The following SLC17A7 variants were observed in gnomAD, a reference collection of about 807,000 sequenced individuals.
The protein encoded by SLC17A7 is vesicular glutamate transporter 1.
SLC17A7 carries 15 observed loss-of-function variants against 59.1 expected under a neutral mutation model. The ratio of observed to expected loss-of-function variants is 0.25; its 90% CI spans 0.17 to 0.39. SLC17A7 has a LOEUF of 0.39. Ranked by LOEUF, SLC17A7 falls within the 10% of genes least tolerant of loss-of-function variation. The pLI is 1.00. For synonymous variants in SLC17A7, 353 were observed against 308.9 expected, an observed-to-expected ratio of 1.14 and a Z score of -1.50; for missense variants, 499 against 765.1, an observed-to-expected ratio of 0.65 and a Z score of 4.10.
Position 49,436,957 on chromosome 19 carries a change from C to G in SLC17A7, c.63-156G>C, listed in dbSNP as rs1420422873. The G allele has an allele frequency of 9.0e-7, 1 of 1,111,354 alleles. No individual in the cohort carries two copies. Among genetic ancestry groups the G allele is most frequent in the Non-Finnish European group, 1.2e-6 (1 of 804,022 alleles). 68.8% of individuals were successfully genotyped at this position (1,111,354 alleles called of 1,614,324 possible). A position where few individuals can be genotyped will look rare whatever the true frequency, so the allele number is the denominator to read the frequency against. On this transcript the variant is annotated intron_variant, in intron 1 of 11. Coordinates refer to ENST00000221485, the MANE Select transcript of SLC17A7 (RefSeq NM_020309.4). This position sits in a 1 kb window ranked among gnomAD's most constrained non-coding sequence, Gnocchi z 4.1. ...GAGTCCAGGTCCCTGGCTCCCTTCG[C>G]CCCCCTGATCCAGAAATCCTCCATC...
Position 49,434,890 on chromosome 19 carries a change from G to A in SLC17A7, c.435-8C>T, listed in dbSNP as rs190387071. 19 of 1,607,970 alleles carry A rather than the reference G, an allele frequency of 1.2e-5. No homozygotes were observed. The highest frequency in any genetic ancestry group is 1.7e-5 in the Admixed American group (1 of 59,366). ...ATAGCAAAGCCGAAAACTCTGATGG[G>A]AAGGGTCAGAGAAAAGAATCCAAGC... On this transcript the variant is annotated splice_polypyrimidine_tract_variant and splice_region_variant and intron_variant, in intron 3 of 11. Coordinates refer to ENST00000221485, the MANE Select transcript of SLC17A7 (RefSeq NM_020309.4).
rs368446675 is a variant in SLC17A7 at position 49,432,563 on chromosome 19, C to T, written c.1106G>A (p.Arg369His). Reference protein sequence around the residue: ...GQIADFLRSRRIMSTTNVRKL... With the variant: ...GQIADFLRSRHIMSTTNVRKL... ...GCGCACGTTGGTGGTGGACATGATG[C>T]GGCGGCTCCGCAGGAAGTCCGCGAT... The change falls in exon 9 of 12, where the codon CGC (arginine) becomes CAC (histidine). Residue 369 changes from arginine (R) to histidine (H), a missense_variant. Physicochemically the swap from Arg to His is conservative, Grantham distance 29. Transcript: ENST00000221485. The T allele has an allele frequency of 1.9e-6, 3 of 1,610,326 alleles. No individual in the cohort carries two copies. Among genetic ancestry groups the T allele is most frequent in the East Asian group, 2.2e-5 (1 of 44,792 alleles).
intron 1 of SLC17A7, chr19:49,438,079 G>T (rs979833979): frequency 1.3e-5 from 2 of 150,034 alleles, no homozygotes; most frequent in African/African-American, 2.5e-5. Context: ...TAGAGAGGGG[G>T]ACAGAGACCC....
chr19:49,431,010 C>A lies in SLC17A7; in HGVS notation c.1389+5G>T, dbSNP rs746545092. 6.2e-7 allele frequency: 1 copy of A among 1,603,790 alleles called. No homozygotes were observed. Among genetic ancestry groups the A allele is most frequent in the East Asian group, 2.2e-5 (1 of 44,696 alleles). ...GGCAGACTGAGTCAGGACTGCGGCA[C>A]CCACCTTGTGCTTAGTCATGGCCCC... On this transcript the variant is annotated splice_donor_5th_base_variant and intron_variant, in intron 11 of 11. Coordinates refer to ENST00000221485, the MANE Select transcript of SLC17A7 (RefSeq NM_020309.4). This position sits in a 1 kb window ranked among gnomAD's most constrained non-coding sequence, Gnocchi z 4.6.
intron 1 of SLC17A7, among the ~76,000 whole-genome samples, chr19:49,441,092 G>T (rs958232161): frequency 1.3e-5 from 2 of 152,156 alleles, no homozygotes; most frequent in Non-Finnish European, 2.9e-5. Context: ...TACAGCACCA[G>T]AGAGAGTGGA....
chr19:49,433,706 C>T lies in SLC17A7; in HGVS notation c.867+20G>A. On this transcript the variant is annotated intron_variant, in intron 7 of 11. Transcript: ENST00000221485. The surrounding 1 kb of genome is among the most constrained non-coding windows in gnomAD (Gnocchi z 5.7). ...CTTGCTATCTCTCCCCGCCCCTTCCCCGAAGATTTGGTCCCGGACCGTGAG... is the reference window on the plus strand; with the variant it reads ...CTTGCTATCTCTCCCCGCCCCTTCCTCGAAGATTTGGTCCCGGACCGTGAG... 1.2e-6 allele frequency: 2 copies of T among 1,614,156 alleles called. No homozygotes were observed. The highest frequency in any genetic ancestry group is 1.7e-6 in the Non-Finnish European group (2 of 1,180,002).
intron 3 of SLC17A7, 53 bp downstream of exon 3, chr19:49,435,115 A>C: frequency 7.2e-7 from 1 of 1,386,378 alleles, no homozygotes; most frequent in South Asian, 1.2e-5. Context: ...ACGCCCTCTA[A>C]CTCCACCCAC....
Position 49,441,345 on chromosome 19 carries a change from G to A in SLC17A7, c.35C>T (p.Ala12Val). 3 of 1,608,286 alleles carry A rather than the reference G, an allele frequency of 1.9e-6. No homozygotes were observed. Among genetic ancestry groups the A allele is most frequent in the South Asian group, 1.1e-5 (1 of 90,400 alleles). The change falls in exon 1 of 12, where the codon GCG (alanine) becomes GTG (valine). Residue 12 changes from alanine (A) to valine (V), a missense_variant. By Grantham distance (64) the Ala-to-Val change is moderately conservative. Coordinates refer to ENST00000221485, the MANE Select transcript of SLC17A7 (RefSeq NM_020309.4). Reference sequence around the variant, plus strand: ...GTGCAGCTTCCCGAGAGCACGACCCGCTAGCTTCCGAAACTCCTCCTGGCG... The same window carrying A: ...GTGCAGCTTCCCGAGAGCACGACCCACTAGCTTCCGAAACTCCTCCTGGCG... ...EFRQEEFRKL[A>V]GRALGKLHRL...
intron 2 of SLC17A7, 59 bp from the exon 3 acceptor site, chr19:49,435,345 A>C: frequency 1.6e-6 from 2 of 1,221,962 alleles, no homozygotes; most frequent in Non-Finnish European, 2.4e-6. Flanking sequence ...CGCTCCACCA[A>C]TCAGCACCCA....
intron 1 of SLC17A7, chr19:49,437,264 GGGAGATGTCCAGGA>G (rs2078983240): frequency 5.5e-6 from 1 of 181,500 alleles, no homozygotes; most frequent in Non-Finnish European, 1.2e-5. Context: ...CTAGGGGGTG[GGGAGATGTCCAGGA>G]CCCTGGGAAT....
At chr19:49,440,254 G>A (rs756429724) in intron 1 of SLC17A7, among the ~76,000 whole-genome samples, 44 of 152,350 alleles carry the variant, frequency 2.9e-4, no homozygotes, top group Middle Eastern at 3.4e-3. Flanking sequence ...GAAGCTCAGC[G>A]AAACACAGGG....
At chr19:49,441,296 C>A in intron 1 of SLC17A7, 22 bp downstream of exon 1, 2 of 1,607,254 alleles carry the variant, frequency 1.2e-6, no homozygotes, top group Non-Finnish European at 1.7e-6. Context: ...CACTCTTCTC[C>A]CGGGACCCCC....
At position 49,430,538 on chromosome 19, in the gene SLC17A7, G is replaced by A. The variant is rs752438157; in HGVS notation, c.1664C>T (p.Pro555Leu). ...HSTFQPPRPP[P>L]PVRDY Reference sequence around the variant, plus strand: ...ACATGGTCAGTAGTCCCGGACAGGGGGTGGGGGCCTGGGGGGCTGAAATGT... The same window carrying A: ...ACATGGTCAGTAGTCCCGGACAGGGAGTGGGGGCCTGGGGGGCTGAAATGT... Residue 555 changes from proline (P) to leucine (L), a missense_variant, in exon 12 of 12, where the codon CCC (proline) becomes CTC (leucine). Physicochemically the swap from Pro to Leu is moderately conservative, Grantham distance 98 (BLOSUM62 -3). Transcript: ENST00000221485. 6.3e-7 allele frequency: 1 copy of A among 1,585,494 alleles called. No homozygotes were observed. The highest frequency in any genetic ancestry group is 8.6e-7 in the Non-Finnish European group (1 of 1,164,694).
chr19:49,439,743 G>T (rs575262801), intron 1 of SLC17A7, among the ~76,000 whole-genome samples: 1 of 152,306 alleles, frequency 6.6e-6, no homozygotes, highest in Non-Finnish European at 1.5e-5. Context: ...CAAACTCCCT[G>T]CTGATGGTCC....
intron 1 of SLC17A7, chr19:49,437,790 A>G (rs2335088): frequency 0.22 from 32,881 of 148,994 alleles, 3,796 homozygotes; most frequent in Non-Finnish European, 0.26. Flanking sequence ...AGTGGGACAG[A>G]GACCCAGAAA....
Position 49,431,466 on chromosome 19 carries a change from G to A in SLC17A7, c.1151-18C>T, listed in dbSNP as rs201785892. On this transcript the variant is annotated intron_variant, in intron 9 of 11. Coordinates refer to ENST00000221485, the MANE Select transcript of SLC17A7 (RefSeq NM_020309.4). The surrounding 1 kb of genome is among the most constrained non-coding windows in gnomAD (Gnocchi z 4.6). ...GCCGAAGCCTACGGGGGCGGGGGGG[G>A]CCCGCGTCTCCTGAGTGTCGGCCGG... The A allele has an allele frequency of 9.9e-5, 159 of 1,604,922 alleles. No individual in the cohort carries two copies. The African/African-American group carries it at 1.9e-3, about 19-fold the overall frequency.
chr19:49,436,788 G>T lies in SLC17A7; in HGVS notation c.76C>A (p.Arg26=), dbSNP rs1339718135. 2 of 1,602,338 alleles carry T rather than the reference G, an allele frequency of 1.2e-6. No individual in the cohort carries two copies. The highest frequency in any genetic ancestry group is 1.7e-6 in the Non-Finnish European group (2 of 1,179,718). ...LGKLHRLLEK[R]QEGAETLELS... is the part of the protein sequence containing the mutation. Reference sequence around the variant, plus strand: ...TCCAGCGTCTCCGCGCCTTCCTGCCGCTTCTCCAGAAGGCTGCGGGACAGC... The same window carrying T: ...TCCAGCGTCTCCGCGCCTTCCTGCCTCTTCTCCAGAAGGCTGCGGGACAGC... The change falls in exon 2 of 12, where the codon CGG becomes AGG. Residue 26 remains arginine (R), a synonymous_variant. Transcript: ENST00000221485. This position sits in a 1 kb window ranked among gnomAD's most constrained non-coding sequence, Gnocchi z 4.1.
intron 5 of SLC17A7, 109 bp downstream of exon 5, chr19:49,434,493 T>A: frequency 8.9e-6 from 9 of 1,010,918 alleles, no homozygotes; most frequent in East Asian, 5.8e-5. Flanking sequence ...TCCTCCTCCC[T>A]CAGACACAGG....
Position 49,436,642 on chromosome 19 carries a change from G to A in SLC17A7, c.222C>T (p.Cys74=). 6.2e-7 allele frequency: 1 copy of A among 1,614,058 alleles called. No homozygotes were observed. The highest frequency in any genetic ancestry group is 1.3e-5 in the African/African-American group (1 of 75,026). ...GGTTGCAGCGGATGCCAAAGCTGAT[G>A]CAGAAGCCCAGACCACTCATGATGG... ...IIAIMSGLGF[C]ISFGIRCNLG... is the part of the protein sequence containing the mutation. The change falls in exon 2 of 12, where the codon TGC becomes TGT. Residue 74 remains cysteine (C), a synonymous_variant. Coordinates refer to ENST00000221485, the MANE Select transcript of SLC17A7 (RefSeq NM_020309.4). The surrounding 1 kb of genome is among the most constrained non-coding windows in gnomAD (Gnocchi z 4.1).
Sources: gnomAD v4.1 joint callset for allele counts (sites outside exome capture counted in the v4.1 genomes callset) on GRCh38, gnomAD v4.1.1 for gene constraint, Gnocchi (gnomAD v3.1) non-coding constraint, MANE v1.5 for transcripts, NCBI Gene and HGNC (gene_info 2026-07-23, HGNC 2026-07-21) for gene names.